GPC6: variants seen among roughly 807,000 people sequenced by gnomAD.
The protein encoded by GPC6 is glypican 6.
Under a neutral mutation model 55.2 loss-of-function variants are expected in GPC6, and 14 were observed. The ratio of observed to expected loss-of-function variants is 0.25; its 90% CI spans 0.17 to 0.40. GPC6 has a LOEUF of 0.40. GPC6 is among the 10% of genes least tolerant of loss of function. The pLI is 1.00. For missense variants in GPC6, 641 were observed against 708.5 expected (o/e 0.90, Z 1.08); for synonymous variants, 278 against 259.6 (o/e 1.07, Z -0.68).
intron 1 of GPC6, among the ~76,000 whole-genome samples, chr13:93,381,805 C>G (rs1249663127): frequency 2.6e-5 from 4 of 152,150 alleles, no homozygotes; most frequent in African/African-American, 4.8e-5. Flanking sequence ...CCACATCACA[C>G]TGCTTCATTC....
At chr13:94,139,356 ACATACAGG>A (rs1887293003) in intron 4 of GPC6, among the ~76,000 whole-genome samples, 1 of 152,184 alleles carries the variant, frequency 6.6e-6, no homozygotes, top group Admixed American at 6.5e-5. Context: ...ACTACAAAGA[ACATACAGG>A]CATAACTATA....
chr13:94,151,577 A>G (rs1327325533), intron 4 of GPC6, among the ~76,000 whole-genome samples: 1 of 152,154 alleles, frequency 6.6e-6, no homozygotes, highest in African/African-American at 2.4e-5. Flanking sequence ...CTGGTGTTTG[A>G]AAAGCAAAAA....
chr13:94,094,383 C>T (rs1308027026), intron 4 of GPC6, among the ~76,000 whole-genome samples: 2 of 152,112 alleles, frequency 1.3e-5, no homozygotes, highest in African/African-American at 4.8e-5. Flanking sequence ...ATTACTGGCA[C>T]CTCTTGCTTC....
chr13:93,884,194 A>G (rs371961901), intron 3 of GPC6, among the ~76,000 whole-genome samples: 9 of 152,258 alleles, frequency 5.9e-5, no homozygotes, highest in African/African-American at 2.2e-4. Context: ...GGACCTTGAC[A>G]CATGAAATCA....
intron 1 of GPC6, among the ~76,000 whole-genome samples, chr13:93,389,650 A>G (rs1336866500): frequency 6.6e-6 from 1 of 152,070 alleles, no homozygotes; most frequent in Non-Finnish European, 1.5e-5. Context: ...CCTTTAATAT[A>G]TGTTAAATAT....
At chr13:93,583,449 AT>A (rs1185437511) in intron 2 of GPC6, among the ~76,000 whole-genome samples, 2 of 151,364 alleles carry the variant, frequency 1.3e-5, no homozygotes, top group African/African-American at 4.9e-5. Context: ...ACAGAGTTTC[AT>A]TTTTGTTTCC....
chr13:93,513,286 C>T (rs1405257042), intron 1 of GPC6, among the ~76,000 whole-genome samples: 3 of 152,168 alleles, frequency 2.0e-5, no homozygotes. Context: ...CCTCAGTCCC[C>T]GGATGCCCCT....
rs187209904 is a variant in GPC6 at position 93,861,878 on chromosome 13, C to G, written c.711+31333C>G. The stretch of plus-strand genomic sequence containing the variant: ...AAACAAAAAGGTTGTATTAGGTGAT[C>G]TAAAGTGTCGGAAGGTTATGCTTGC... On this transcript the variant is annotated intron_variant, in intron 3 of 8. Transcript: ENST00000377047. 4.6e-3 allele frequency among the ~76,000 whole-genome samples: 701 copies of G among 151,742 alleles called. 11 individuals are homozygous for G. The highest frequency in any genetic ancestry group is 0.016 in the African/African-American group (675 of 41,470).
At chr13:94,258,736 A>G (rs1294849338) in intron 4 of GPC6, among the ~76,000 whole-genome samples, 2 of 152,334 alleles carry the variant, frequency 1.3e-5, no homozygotes, top group Admixed American at 6.5e-5. Flanking sequence ...TTTCGTTGCA[A>G]TAATAATTTC....
chr13:94,116,846 G>A (rs1886448334), intron 4 of GPC6, among the ~76,000 whole-genome samples: 1 of 152,048 alleles, frequency 6.6e-6, no homozygotes. Context: ...GTTCTAACAA[G>A]CTGCTGCCCA....
At chr13:93,380,358 C>T (rs1043954203) in intron 1 of GPC6, among the ~76,000 whole-genome samples, 2 of 151,906 alleles carry the variant, frequency 1.3e-5, no homozygotes, top group East Asian at 1.9e-4. Flanking sequence ...GGATAAATTC[C>T]GAATAGACTG....
intron 3 of GPC6, among the ~76,000 whole-genome samples, chr13:93,936,387 G>T (rs914604557): frequency 6.6e-6 from 1 of 151,564 alleles, no homozygotes; most frequent in African/African-American, 2.4e-5. Flanking sequence ...GGGAATGTGT[G>T]TGCGGGCATG....
intron 2 of GPC6, among the ~76,000 whole-genome samples, chr13:93,681,813 A>G: frequency 6.6e-6 from 1 of 152,202 alleles, no homozygotes; most frequent in East Asian, 1.9e-4. Context: ...CAAAGATATC[A>G]TGATACCTTG....
At chr13:94,173,842 T>C (rs1391003385) in intron 4 of GPC6, among the ~76,000 whole-genome samples, 1 of 152,194 alleles carries the variant, frequency 6.6e-6, no homozygotes, top group African/African-American at 2.4e-5. Flanking sequence ...TGCTCTCTTC[T>C]ATCTGTAACA....
At chr13:93,257,470 C>T (rs1876994313) in intron 1 of GPC6, among the ~76,000 whole-genome samples, 1 of 152,100 alleles carries the variant, frequency 6.6e-6, no homozygotes, top group Non-Finnish European at 1.5e-5. Context: ...TGAAATGAAA[C>T]AGAATCAAGG....
chr13:93,623,377 A>T (rs1879039967), intron 2 of GPC6, among the ~76,000 whole-genome samples: 1 of 151,256 alleles, frequency 6.6e-6, no homozygotes, highest in Admixed American at 6.6e-5. Context: ...GGCTGGACTA[A>T]TTTACACTCC....
At chr13:93,404,804 T>C (rs9524051) in intron 1 of GPC6, among the ~76,000 whole-genome samples, 22,753 of 150,262 alleles carry the variant, frequency 0.15, 2,315 homozygotes, top group East Asian at 0.48. Context: ...CAATCTGATA[T>C]TTATTTATTT....
chr13:93,744,528 CTTTTTTTTTTTT>C (rs71736430), intron 2 of GPC6, among the ~76,000 whole-genome samples: 28,817 of 97,694 alleles, frequency 0.29, 4,277 homozygotes, highest in Admixed American at 0.41. Context: ...TTTCCCTAGT[CTTTTTTTTTTTT>C]TTTTTTTTTT....
intron 1 of GPC6, among the ~76,000 whole-genome samples, chr13:93,301,413 C>T (rs1374037076): frequency 6.6e-6 from 1 of 152,176 alleles, no homozygotes; most frequent in Non-Finnish European, 1.5e-5. Context: ...AGAAGAGAGA[C>T]TATTTCAGAG....
Sources: allele counts gnomAD v4.1 joint callset (sites outside exome capture counted in the v4.1 genomes callset), GRCh38; gene constraint gnomAD v4.1.1; transcripts MANE v1.5; gene names NCBI Gene and HGNC (gene_info 2026-07-23, HGNC 2026-07-21).